DIAPH3: variants seen among roughly 807,000 people sequenced by gnomAD.
DIAPH3 encodes diaphanous related formin 3, also known as protein diaphanous homolog 3.
A neutral mutation model predicts 144.3 loss-of-function variants in DIAPH3; 117 were observed. The observed-to-expected ratio is 0.81, with a 90% CI of 0.70 to 0.95. The LOEUF is 0.95. Among genes scored for constraint, DIAPH3 ranks in the 40% least tolerant of loss-of-function variants. The probability of loss-of-function intolerance (pLI) is 0.00; values close to 1 mark genes in which losing one functional copy is unlikely to be tolerated. For missense variants in DIAPH3, 1,421 were observed against 1,412.7 expected (o/e 1.01, Z -0.09); for synonymous variants, 519 against 488.9 (o/e 1.06, Z -0.81).
chr13:59,932,596 A>G (rs1356661308), intron 17 of DIAPH3, among the ~76,000 whole-genome samples: 1 of 152,170 alleles, frequency 6.6e-6, no homozygotes, highest in Admixed American at 6.5e-5. Context: ...AGACACTGAT[A>G]TAATTTAACC....
At chr13:59,794,265 C>T (rs539854245) in intron 25 of DIAPH3, among the ~76,000 whole-genome samples, 1 of 152,250 alleles carries the variant, frequency 6.6e-6, no homozygotes, top group East Asian at 1.9e-4. Flanking sequence ...AGTTGAGGTG[C>T]ATCTGTATAT....
intron 24 of DIAPH3, among the ~76,000 whole-genome samples, chr13:59,825,705 C>T (rs1195503137): frequency 6.6e-6 from 1 of 152,120 alleles, no homozygotes; most frequent in South Asian, 2.1e-4. Flanking sequence ...CTTTTGTTTC[C>T]TGACTTTTTA....
chr13:59,923,001 C>A (rs1332436711), intron 18 of DIAPH3, among the ~76,000 whole-genome samples: 1 of 152,132 alleles, frequency 6.6e-6, no homozygotes, highest in Non-Finnish European at 1.5e-5. Flanking sequence ...TAATACCCAC[C>A]TGGTGGGGTT....
At chr13:60,124,612 C>T (rs1257287291) in intron 2 of DIAPH3, among the ~76,000 whole-genome samples, 2 of 151,964 alleles carry the variant, frequency 1.3e-5, no homozygotes, top group Non-Finnish European at 2.9e-5. Context: ...AATTAGAAGT[C>T]TCATATCGAT....
chr13:59,954,059 G>A (rs1244813860), intron 17 of DIAPH3, among the ~76,000 whole-genome samples: 1 of 152,160 alleles, frequency 6.6e-6, no homozygotes, highest in Non-Finnish European at 1.5e-5. Context: ...CAATGCATAA[G>A]GTCCTTCAAG....
At chr13:59,720,093 C>T (rs1028236658) in intron 27 of DIAPH3, among the ~76,000 whole-genome samples, 5 of 151,942 alleles carry the variant, frequency 3.3e-5, no homozygotes, top group African/African-American at 9.7e-5. Flanking sequence ...CTTACATAAT[C>T]GATATAGCCT....
intron 27 of DIAPH3, among the ~76,000 whole-genome samples, chr13:59,722,266 T>A (rs1471673250): frequency 6.6e-6 from 1 of 152,214 alleles, no homozygotes; most frequent in Non-Finnish European, 1.5e-5. Flanking sequence ...ACATGGCCTT[T>A]ATTGATTTTT....
chr13:60,019,945 C>T (rs954772240), intron 5 of DIAPH3, among the ~76,000 whole-genome samples: 3 of 151,380 alleles, frequency 2.0e-5, no homozygotes, highest in African/African-American at 7.4e-5. Flanking sequence ...CCTTTCTTCC[C>T]AGATGTGCTC....
At chr13:59,843,179 C>T (rs1181870958) in intron 22 of DIAPH3, among the ~76,000 whole-genome samples, 2 of 152,146 alleles carry the variant, frequency 1.3e-5, no homozygotes. Context: ...CTAGGAGCTT[C>T]GTGTCAGGAA....
At chr13:59,954,403 A>T (rs1417620913) in intron 17 of DIAPH3, among the ~76,000 whole-genome samples, 1 of 152,172 alleles carries the variant, frequency 6.6e-6, no homozygotes, top group East Asian at 1.9e-4. Context: ...TTATAACCCC[A>T]ATATAATCAA....
chr13:59,723,433 A>C (rs1368248849), intron 27 of DIAPH3, among the ~76,000 whole-genome samples: 1 of 152,030 alleles, frequency 6.6e-6, no homozygotes, highest in Non-Finnish European at 1.5e-5. Context: ...TGGCTAATTA[A>C]AGTGGAAACC....
intron 27 of DIAPH3, among the ~76,000 whole-genome samples, chr13:59,700,638 A>C (rs1276471946): frequency 6.6e-6 from 1 of 152,128 alleles, no homozygotes; most frequent in Non-Finnish European, 1.5e-5. Flanking sequence ...CCATGGTGCA[A>C]AGACCATGAT....
intron 27 of DIAPH3, among the ~76,000 whole-genome samples, chr13:59,771,595 C>T (rs989077552): frequency 5.9e-5 from 9 of 151,904 alleles, no homozygotes; most frequent in African/African-American, 2.2e-4. Context: ...ATATAAGTCA[C>T]CAGCTCATGG....
chr13:60,002,293 T>C (rs1254540903), intron 9 of DIAPH3, among the ~76,000 whole-genome samples: 3 of 152,180 alleles, frequency 2.0e-5, no homozygotes, highest in African/African-American at 7.2e-5. Context: ...AAGTATGCTA[T>C]GAAACAAACT....
At chr13:59,750,597 T>C (rs2036956407) in intron 27 of DIAPH3, among the ~76,000 whole-genome samples, 1 of 152,206 alleles carries the variant, frequency 6.6e-6, no homozygotes, top group African/African-American at 2.4e-5. Context: ...AAATCATAAG[T>C]CTTTAAAAAT....
chr13:59,878,224 C>T (rs2044757680), intron 21 of DIAPH3, among the ~76,000 whole-genome samples: 1 of 152,068 alleles, frequency 6.6e-6, no homozygotes, highest in South Asian at 2.1e-4. Flanking sequence ...ATCGCCCATG[C>T]TAGGGATCTT....
chr13:59,898,191 CA>C (rs1802911219), intron 20 of DIAPH3, among the ~76,000 whole-genome samples: 1 of 141,928 alleles, frequency 7.0e-6, no homozygotes, highest in African/African-American at 2.6e-5. Flanking sequence ...AGAATGATAA[CA>C]GCAGCTAACA....
intron 17 of DIAPH3, among the ~76,000 whole-genome samples, chr13:59,956,026 TCA>T (rs1418838248): frequency 5.9e-5 from 9 of 152,158 alleles, no homozygotes; most frequent in Admixed American, 5.2e-4. Context: ...TTAAAAGCAT[TCA>T]GTTTTATTCA....
At chr13:59,945,513 G>C (rs112354129) in intron 17 of DIAPH3, among the ~76,000 whole-genome samples, 2 of 151,930 alleles carry the variant, frequency 1.3e-5, no homozygotes, top group African/African-American at 4.8e-5. Context: ...TAACCAAAAC[G>C]AGAGCCCTGC....
Sources: gnomAD v4.1 joint callset for allele counts (sites outside exome capture counted in the v4.1 genomes callset) on GRCh38, gnomAD v4.1.1 for gene constraint, MANE v1.5 for transcripts, NCBI Gene and HGNC (gene_info 2026-07-23, HGNC 2026-07-21) for gene names.